Variants in TEK observed in about 807,000 individuals in gnomAD.
The protein encoded by TEK is TEK receptor tyrosine kinase.
TEK carries 43 observed loss-of-function variants against 131.8 expected under a neutral mutation model. The ratio of observed to expected loss-of-function variants is 0.33; its 90% confidence interval spans 0.26 to 0.42. The LOEUF is 0.42. TEK is among the 10% of genes least tolerant of loss of function. The probability of loss-of-function intolerance (pLI) is 1.00; values close to 1 mark genes in which losing one functional copy is unlikely to be tolerated. For synonymous variants in TEK, 580 were observed against 491.6 expected, an observed-to-expected ratio of 1.18 and a Z score of -2.38; for missense variants, 1,162 against 1,384.4, an observed-to-expected ratio of 0.84 and a Z score of 2.55.
At chr9:27,153,160 GTGTT>G (rs1823193948) in intron 1 of TEK, among the ~76,000 whole-genome samples, 1 of 152,182 alleles carries the variant, frequency 6.6e-6, no homozygotes, top group Non-Finnish European at 1.5e-5. Flanking sequence ...CATTGAAAAA[GTGTT>G]TGAGGCTGGG....
intron 1 of TEK, among the ~76,000 whole-genome samples, chr9:27,145,558 A>G (rs927448345): frequency 6.6e-6 from 1 of 152,246 alleles, no homozygotes; most frequent in Non-Finnish European, 1.5e-5. Flanking sequence ...TTTAGAAGCT[A>G]TCACCCTGTT....
chr9:27,144,280 C>CA (rs918179680), intron 1 of TEK, among the ~76,000 whole-genome samples: 84 of 143,550 alleles, frequency 5.9e-4, no homozygotes, highest in African/African-American at 8.4e-4. Flanking sequence ...GACTCCGTCT[C>CA]AAAAAAAAAA....
At chr9:27,129,993 G>A (rs1822151087) in intron 1 of TEK, among the ~76,000 whole-genome samples, 1 of 152,110 alleles carries the variant, frequency 6.6e-6, no homozygotes, top group Non-Finnish European at 1.5e-5. Context: ...TAAGTTCTAA[G>A]CATTGCCTTC....
chr9:27,195,619 TA>T (rs1347113595), intron 11 of TEK: 4 of 455,676 alleles, frequency 8.8e-6, no homozygotes, highest in Non-Finnish European at 1.8e-5. Flanking sequence ...ATCTGGAATT[TA>T]AAAATCAATT....
intron 21 of TEK, among the ~76,000 whole-genome samples, chr9:27,223,539 G>C (rs1306535456): frequency 6.6e-6 from 1 of 152,112 alleles, no homozygotes; most frequent in Non-Finnish European, 1.5e-5. Context: ...ACGAAATGAA[G>C]GCAGAAATAA....
intron 18 of TEK, among the ~76,000 whole-genome samples, chr9:27,214,218 C>G (rs373093735): frequency 7.9e-5 from 12 of 152,374 alleles, no homozygotes; most frequent in Admixed American, 5.9e-4. Context: ...GGTGCCCAGT[C>G]TAGAATCACA....
At chr9:27,194,688 T>A (rs1824944455) in intron 11 of TEK, among the ~76,000 whole-genome samples, 1 of 152,156 alleles carries the variant, frequency 6.6e-6, no homozygotes, top group Non-Finnish European at 1.5e-5. Context: ...TCTTCAGCCC[T>A]CAGAATGTGT....
intron 1 of TEK, among the ~76,000 whole-genome samples, chr9:27,139,840 T>C (rs1281046167): frequency 1.3e-5 from 2 of 152,106 alleles, no homozygotes; most frequent in African/African-American, 2.4e-5. Flanking sequence ...AGGGTTGATA[T>C]TCCACAGTTG....
chr9:27,112,000 G>A (rs568340182), intron 1 of TEK, among the ~76,000 whole-genome samples: 6 of 151,000 alleles, frequency 4.0e-5, no homozygotes, highest in African/African-American at 1.2e-4. Context: ...CCAGGTTCAC[G>A]TGATTCTGTG....
intron 1 of TEK, among the ~76,000 whole-genome samples, chr9:27,115,721 C>T (rs1488255042): frequency 6.6e-6 from 1 of 151,878 alleles, no homozygotes; most frequent in African/African-American, 2.4e-5. Flanking sequence ...ATTTTGAAAC[C>T]AAGATGAAAA....
chr9:27,155,011 A>G (rs1340115590), intron 1 of TEK, among the ~76,000 whole-genome samples: 1 of 152,228 alleles, frequency 6.6e-6, no homozygotes. Context: ...GGCCACTGCC[A>G]CCGCTGGGAG....
intron 1 of TEK, among the ~76,000 whole-genome samples, chr9:27,120,518 G>A (rs969456060): frequency 8.5e-5 from 13 of 152,362 alleles, no homozygotes; most frequent in South Asian, 2.1e-4. Flanking sequence ...AAGAGTGAGG[G>A]ACTAGTGGAA....
rs916463161 is a variant in TEK at position 27,205,630 on chromosome 9, A to AT, written c.2364+575dup. ...AGTTCCTGGCACTTGGTACTGCCTC[A>AT]TTTTTTTTTTCATCTAGGAATTCTA... On this transcript the variant is annotated intron_variant, in intron 14 of 22. Transcript: ENST00000380036. Among the ~76,000 whole-genome samples the AT allele has an allele frequency of 3.1e-4, 45 of 146,062 alleles. 1 individual carries two copies. The highest frequency in any genetic ancestry group is 6.5e-4 in the African/African-American group (26 of 39,732).
chr9:27,227,457 A>G (rs1045570992), intron 21 of TEK, among the ~76,000 whole-genome samples: 1 of 152,208 alleles, frequency 6.6e-6, no homozygotes, highest in African/African-American at 2.4e-5. Context: ...ACAACATACC[A>G]TAAACATGGT....
At chr9:27,188,794 C>T (rs1224889052) in intron 9 of TEK, among the ~76,000 whole-genome samples, 1 of 152,146 alleles carries the variant, frequency 6.6e-6, no homozygotes, top group Non-Finnish European at 1.5e-5. Context: ...GAAAAAGACT[C>T]ACCATGGAGC....
intron 1 of TEK, among the ~76,000 whole-genome samples, chr9:27,137,727 G>A (rs900757280): frequency 6.6e-6 from 1 of 152,132 alleles, no homozygotes; most frequent in African/African-American, 2.4e-5. Flanking sequence ...AGAGATCCCA[G>A]AGGCTCACTA....
At chr9:27,157,787 G>A (rs1823389015) in intron 1 of TEK, 44 bp from the exon 2 acceptor site, 9 of 1,606,846 alleles carry the variant, frequency 5.6e-6, no homozygotes, top group Admixed American at 1.7e-5. Context: ...ATGGGGTCAT[G>A]TTAATAACCT....
intron 1 of TEK, among the ~76,000 whole-genome samples, chr9:27,154,719 C>A (rs926739082): frequency 4.6e-5 from 7 of 152,146 alleles, no homozygotes; most frequent in Admixed American, 2.0e-4. Context: ...CATAGAAGAT[C>A]CTTCTGGTAC....
intron 1 of TEK, among the ~76,000 whole-genome samples, chr9:27,112,142 G>T (rs615908): frequency 0.94 from 143,131 of 152,050 alleles, 67,898 homozygotes; most frequent in East Asian, 1. Context: ...CAAGTGATCC[G>T]CCCGCCTCGG....
Sources: allele counts gnomAD v4.1 joint callset (sites outside exome capture counted in the v4.1 genomes callset), GRCh38; gene constraint gnomAD v4.1.1; transcripts MANE v1.5; gene names NCBI Gene and HGNC (gene_info 2026-07-23, HGNC 2026-07-21).